The following COL25A1 variants were observed in gnomAD, a reference collection of about 807,000 sequenced individuals.
COL25A1 encodes collagen alpha-1(XXV) chain.
COL25A1 carries 103 observed loss-of-function variants against 128.4 expected under a neutral mutation model. The observed-to-expected ratio is 0.80, with a 90% CI of 0.68 to 0.94. COL25A1 has a LOEUF of 0.94. Ranked by LOEUF, COL25A1 falls within the 40% of genes least tolerant of loss-of-function variation. COL25A1 has a pLI of 0.00. For synonymous variants in COL25A1, 279 were observed against 277.2 expected (o/e 1.01, Z -0.06); for missense variants, 745 against 840.0 (o/e 0.89, Z 1.40).
At chr4:109,145,612 G>C (rs1398698497) in intron 3 of COL25A1, among the ~76,000 whole-genome samples, 1 of 152,180 alleles carries the variant, frequency 6.6e-6, no homozygotes, top group African/African-American at 2.4e-5. Context: ...GCTGAGGTGG[G>C]TGAATCACCT....
At chr4:108,995,574 A>G (rs978938892) in intron 6 of COL25A1, among the ~76,000 whole-genome samples, 1 of 152,230 alleles carries the variant, frequency 6.6e-6, no homozygotes, top group African/African-American at 2.4e-5. Flanking sequence ...AACCTCCCCA[A>G]CCTAGCAAGG....
At chr4:109,076,691 G>A (rs112105249) in intron 3 of COL25A1, among the ~76,000 whole-genome samples, 17,399 of 151,558 alleles carry the variant, frequency 0.11, 1,289 homozygotes, top group African/African-American at 0.21. Context: ...TATACAACTC[G>A]CCATAATGTA....
At chr4:108,946,931 A>G (rs1233855056) in intron 8 of COL25A1, among the ~76,000 whole-genome samples, 1 of 152,226 alleles carries the variant, frequency 6.6e-6, no homozygotes. Flanking sequence ...TGAAATTTGT[A>G]GGACTTGTAA....
chr4:108,991,450 T>C (rs376261229), intron 6 of COL25A1, among the ~76,000 whole-genome samples: 6 of 152,242 alleles, frequency 3.9e-5, no homozygotes, highest in African/African-American at 1.4e-4. Flanking sequence ...GAGTTTTTCA[T>C]ATCATATTAA....
intron 3 of COL25A1, among the ~76,000 whole-genome samples, chr4:109,139,830 G>A (rs1314841939): frequency 4.7e-5 from 3 of 63,694 alleles, no homozygotes; most frequent in East Asian, 3.9e-4. Context: ...CCCTCCCCCC[G>A]ACCCCACAAC....
intron 3 of COL25A1, among the ~76,000 whole-genome samples, chr4:109,221,167 G>A (rs897935529): frequency 1.5e-5 from 2 of 132,386 alleles, no homozygotes; most frequent in Admixed American, 1.4e-4. Flanking sequence ...TACTTAATAT[G>A]CATAAGATAC....
chr4:109,248,393 T>G (rs959681166), intron 3 of COL25A1, among the ~76,000 whole-genome samples: 5 of 152,158 alleles, frequency 3.3e-5, no homozygotes, highest in Admixed American at 1.3e-4. Context: ...AAATCTTCAC[T>G]GGTTATCAGG....
At chr4:109,265,600 T>C (rs1029370553) in intron 3 of COL25A1, among the ~76,000 whole-genome samples, 12 of 151,588 alleles carry the variant, frequency 7.9e-5, no homozygotes, top group African/African-American at 2.9e-4. Context: ...TGTGTTTCTA[T>C]GTCATTTGAA....
intron 3 of COL25A1, among the ~76,000 whole-genome samples, chr4:109,098,035 T>C (rs1051658897): frequency 6.6e-6 from 1 of 152,128 alleles, no homozygotes; most frequent in Non-Finnish European, 1.5e-5. Context: ...TAGGGATAGA[T>C]GGTGTATCAA....
intron 3 of COL25A1, among the ~76,000 whole-genome samples, chr4:109,261,376 G>C (rs940794442): frequency 1.3e-5 from 2 of 152,080 alleles, no homozygotes; most frequent in Non-Finnish European, 2.9e-5. Context: ...AATTAGCCAG[G>C]TATGGTAGAG....
At chr4:109,267,696 T>A (rs1046382416) in intron 3 of COL25A1, among the ~76,000 whole-genome samples, 1 of 152,154 alleles carries the variant, frequency 6.6e-6, no homozygotes, top group Non-Finnish European at 1.5e-5. Flanking sequence ...ACCAACATGA[T>A]GTCCAAAAGA....
At chr4:108,836,953 C>T (rs796809763) in intron 31 of COL25A1, among the ~76,000 whole-genome samples, 1 of 152,066 alleles carries the variant, frequency 6.6e-6, no homozygotes, top group African/African-American at 2.4e-5. Flanking sequence ...GTGGCATGCA[C>T]CTGTAGTCCC....
intron 3 of COL25A1, among the ~76,000 whole-genome samples, chr4:109,056,584 T>G (rs1761465250): frequency 6.6e-6 from 1 of 151,940 alleles, no homozygotes; most frequent in Admixed American, 6.6e-5. Flanking sequence ...GCAGAAACTA[T>G]GTTCACTGAA....
intron 5 of COL25A1, among the ~76,000 whole-genome samples, chr4:109,024,357 T>C (rs929449627): frequency 6.6e-6 from 1 of 152,146 alleles, no homozygotes; most frequent in East Asian, 1.9e-4. Flanking sequence ...ATCAACTTTA[T>C]ATATATTTAT....
intron 3 of COL25A1, among the ~76,000 whole-genome samples, chr4:109,181,554 CG>C (rs1682804257): frequency 6.6e-6 from 1 of 151,598 alleles, no homozygotes; most frequent in African/African-American, 2.4e-5. Context: ...AACAATATAC[CG>C]TATTAGTTTT....
chr4:108,917,611 GAC>G (rs751142831), intron 13 of COL25A1, among the ~76,000 whole-genome samples: 1 of 152,208 alleles, frequency 6.6e-6, no homozygotes, highest in Non-Finnish European at 1.5e-5. Context: ...TGTGTATGTA[GAC>G]TGTGTTGTTT....
chr4:109,187,166 GT>G (rs1775215995), intron 3 of COL25A1, among the ~76,000 whole-genome samples: 1 of 143,474 alleles, frequency 7.0e-6, no homozygotes, highest in Non-Finnish European at 1.6e-5. Flanking sequence ...GTGACACAGA[GT>G]CGTGTTTTGT....
intron 5 of COL25A1, among the ~76,000 whole-genome samples, chr4:109,037,978 T>C (rs1274632734): frequency 6.6e-6 from 1 of 151,754 alleles, no homozygotes; most frequent in Non-Finnish European, 1.5e-5. Context: ...ATCAAGGAAA[T>C]GGATAAAAGA....
At chr4:109,076,166 G>C (rs796266692) in intron 3 of COL25A1, among the ~76,000 whole-genome samples, 1 of 152,036 alleles carries the variant, frequency 6.6e-6, no homozygotes, top group Non-Finnish European at 1.5e-5. Flanking sequence ...CATGGATTTT[G>C]GTATCCATGG....
Sources: allele counts gnomAD v4.1 joint callset (sites outside exome capture counted in the v4.1 genomes callset), GRCh38; gene constraint gnomAD v4.1.1; transcripts MANE v1.5; gene names NCBI Gene and HGNC (gene_info 2026-07-23, HGNC 2026-07-21).